The following LOC400499 variants were observed in gnomAD, a reference collection of about 807,000 sequenced individuals.
the LOC400499 span, among the ~76,000 whole-genome samples, chr16:11,403,140 C>G: frequency 6.6e-6 from 1 of 152,198 alleles, no homozygotes. Context: ...CCAGACCCCA[C>G]AGCAGGAGGC....
chr16:11,463,971 G>C, the LOC400499 span, among the ~76,000 whole-genome samples: 1 of 152,288 alleles, frequency 6.6e-6, no homozygotes, highest in Admixed American at 6.5e-5. Flanking sequence ...GAAAAGATAT[G>C]TATATATGTG....
chr16:11,527,385 A>G, the LOC400499 span, among the ~76,000 whole-genome samples: 1 of 152,014 alleles, frequency 6.6e-6, no homozygotes, highest in Non-Finnish European at 1.5e-5. Flanking sequence ...CGCCCGACAG[A>G]GAGGAGGGGA....
At chr16:11,496,231 T>A in the LOC400499 span, among the ~76,000 whole-genome samples, 3 of 152,066 alleles carry the variant, frequency 2.0e-5, no homozygotes, top group Non-Finnish European at 4.4e-5. Flanking sequence ...CACGCCTGGC[T>A]AATTTTTGTA....
At chr16:11,445,580 G>A in the LOC400499 span, among the ~76,000 whole-genome samples, 23 of 152,266 alleles carry the variant, frequency 1.5e-4, no homozygotes, top group East Asian at 2.3e-3. Context: ...ACGGCTCCAG[G>A]CACACAGGAC....
At chr16:11,406,981 C>G in the LOC400499 span, among the ~76,000 whole-genome samples, 1 of 152,222 alleles carries the variant, frequency 6.6e-6, no homozygotes, top group African/African-American at 2.4e-5. Flanking sequence ...TTTTAGGTCA[C>G]GCCCCAGCTT....
chr16:11,435,738 C>T, the LOC400499 span: 1 of 399,290 alleles, frequency 2.5e-6, no homozygotes, highest in Non-Finnish European at 4.4e-6. Context: ...TGGAGAAGGA[C>T]ACTCACACCC....
chr16:11,398,384 C>T, the LOC400499 span: 4 of 1,232,182 alleles, frequency 3.2e-6, no homozygotes, highest in Non-Finnish European at 4.0e-6. Context: ...GGAGGGAGTG[C>T]CGCAGCCAGC....
At chr16:11,511,770 T>C in the LOC400499 span, among the ~76,000 whole-genome samples, 2 of 152,208 alleles carry the variant, frequency 1.3e-5, no homozygotes, top group African/African-American at 2.4e-5. Context: ...TTCACACCTG[T>C]AATCCCAGCA....
chr16:11,382,128 G>C, the LOC400499 span, among the ~76,000 whole-genome samples: 1 of 151,702 alleles, frequency 6.6e-6, no homozygotes, highest in Non-Finnish European at 1.5e-5. Context: ...GTAGAGACAG[G>C]GGTTTCGCCA....
the LOC400499 span, among the ~76,000 whole-genome samples, chr16:11,409,971 G>GCAAA: frequency 6.6e-6 from 1 of 152,124 alleles, no homozygotes; most frequent in African/African-American, 2.4e-5. Context: ...TAAAACTTGG[G>GCAAA]AAAAAACTAA....
At chr16:11,471,738 A>G in the LOC400499 span, 46 of 399,118 alleles carry the variant, frequency 1.2e-4, no homozygotes, top group Admixed American at 2.0e-3. Flanking sequence ...CCGCGAACAC[A>G]GGCAATGAGA....
the LOC400499 span, chr16:11,522,095 G>A: frequency 1.0e-5 from 4 of 394,028 alleles, no homozygotes; most frequent in African/African-American, 8.8e-5. Context: ...CCCACAGGGA[G>A]GTGGGGCCCA....
chr16:11,477,640 T>C, the LOC400499 span, among the ~76,000 whole-genome samples: 196 of 152,336 alleles, frequency 1.3e-3, 2 homozygotes, highest in African/African-American at 4.5e-3. Flanking sequence ...CTGAGCCTCA[T>C]TCTTCCCACC....
the LOC400499 span, chr16:11,460,554 T>C: frequency 1.3e-6 from 2 of 1,535,650 alleles, no homozygotes; most frequent in Non-Finnish European, 1.7e-6. Context: ...TCTGAGCCAC[T>C]GTCTGCCCGC....
the LOC400499 span, among the ~76,000 whole-genome samples, chr16:11,436,308 G>T: frequency 6.6e-6 from 1 of 152,158 alleles, no homozygotes; most frequent in African/African-American, 2.4e-5. Context: ...GGAACCAGAG[G>T]ACCCAGAACT....
chr16:11,396,504 C>CACTG, the LOC400499 span: 2 of 1,232,222 alleles, frequency 1.6e-6, no homozygotes, highest in Non-Finnish European at 2.0e-6. Flanking sequence ...CCATCCTGGC[C>CACTG]ACTGACCTCC....
At chr16:11,398,369 C>T in the LOC400499 span, 2 of 1,232,294 alleles carry the variant, frequency 1.6e-6, no homozygotes, top group Non-Finnish European at 2.0e-6. Flanking sequence ...CACAGAGCCC[C>T]AGGTGGAGGG....
chr16:11,488,609 A>AC, the LOC400499 span: 3 of 394,438 alleles, frequency 7.6e-6, no homozygotes, highest in Non-Finnish European at 1.3e-5. Flanking sequence ...TGACCCCTTG[A>AC]CACAACGTCT....
the LOC400499 span, chr16:11,442,571 C>T: frequency 7.2e-5 from 11 of 152,238 alleles, no homozygotes; most frequent in Middle Eastern, 3.4e-3. Flanking sequence ...TGAAACTAAA[C>T]GACTGCCATT....
Sources: gnomAD v4.1 joint callset for allele counts (sites outside exome capture counted in the v4.1 genomes callset) on GRCh38, gnomAD v4.1.1 for gene constraint, MANE v1.5 for transcripts.